Variants in ADAMTS20 observed in about 807,000 individuals in gnomAD.
ADAMTS20 encodes the protein A disintegrin and metalloproteinase with thrombospondin motifs 20.
Under a neutral mutation model 260.1 loss-of-function variants are expected in ADAMTS20, and 225 were observed. That is an observed-to-expected ratio of 0.87 (90% CI 0.78 to 0.97). ADAMTS20 has a LOEUF of 0.97. Among genes scored for constraint, ADAMTS20 ranks in the 50% least tolerant of loss-of-function variants. The pLI is 0.00. For missense variants in ADAMTS20, 2,400 were observed against 2,337.7 expected (o/e 1.03, Z -0.55); for synonymous variants, 802 against 769.5 (o/e 1.04, Z -0.70).
At chr12:43,402,668 AG>A (rs1451511828) in intron 28 of ADAMTS20, among the ~76,000 whole-genome samples, 1 of 152,104 alleles carries the variant, frequency 6.6e-6, no homozygotes, top group African/African-American at 2.4e-5. Flanking sequence ...CCCATTTGGT[AG>A]GAATATTCAA....
At chr12:43,481,386 G>A (rs1942439859) in intron 7 of ADAMTS20, among the ~76,000 whole-genome samples, 1 of 152,130 alleles carries the variant, frequency 6.6e-6, no homozygotes, top group Admixed American at 6.5e-5. Flanking sequence ...TATCTGCTAA[G>A]AACCTACAGC....
At chr12:43,427,532 TA>T (rs60438862) in intron 26 of ADAMTS20, 63 bp from the exon 27 acceptor site, 71,993 of 1,084,816 alleles carry the variant, frequency 0.066, no homozygotes, top group East Asian at 0.13. Flanking sequence ...ATTTACATGG[TA>T]AAAAAAAAAA....
intron 4 of ADAMTS20, 70 bp from the exon 5 acceptor site, chr12:43,493,323 G>A (rs983585136): frequency 2.7e-6 from 3 of 1,108,632 alleles, no homozygotes; most frequent in African/African-American, 3.2e-5. Flanking sequence ...AGTTGAAATA[G>A]TCACAGAGTA....
At chr12:43,380,292 A>G (rs1940321248) in intron 31 of ADAMTS20, among the ~76,000 whole-genome samples, 1 of 152,166 alleles carries the variant, frequency 6.6e-6, no homozygotes, top group Admixed American at 6.5e-5. Context: ...TACTTCTTCA[A>G]TCTGATAAAG....
chr12:43,388,120 C>T (rs1565676219), intron 29 of ADAMTS20, among the ~76,000 whole-genome samples: 2 of 152,048 alleles, frequency 1.3e-5, no homozygotes, highest in Admixed American at 1.3e-4. Flanking sequence ...CAAACAGCCA[C>T]CCAGTTTTGC....
intron 2 of ADAMTS20, among the ~76,000 whole-genome samples, chr12:43,534,876 G>C (rs1277774417): frequency 2.6e-5 from 4 of 152,154 alleles, no homozygotes; most frequent in Non-Finnish European, 5.9e-5. Flanking sequence ...CTGGGTGCAT[G>C]TAGGATGGAC....
chr12:43,523,737 A>G (rs1202027105), intron 3 of ADAMTS20, among the ~76,000 whole-genome samples: 1 of 152,008 alleles, frequency 6.6e-6, no homozygotes, highest in Non-Finnish European at 1.5e-5. Flanking sequence ...ACATGAGACC[A>G]TCTCCCCAGT....
At chr12:43,367,688 G>A (rs951349858) in intron 37 of ADAMTS20, among the ~76,000 whole-genome samples, 2 of 151,926 alleles carry the variant, frequency 1.3e-5, no homozygotes, top group African/African-American at 4.8e-5. Flanking sequence ...GATGTAGTCC[G>A]CACAATAAAA....
intron 21 of ADAMTS20, among the ~76,000 whole-genome samples, chr12:43,432,087 A>G (rs1485292798): frequency 6.6e-6 from 1 of 152,156 alleles, no homozygotes; most frequent in East Asian, 1.9e-4. Flanking sequence ...ATCTGAGCTC[A>G]AGCAATCCAC....
In ADAMTS20 at chr12:43,435,963, A is replaced by C. The variant is rs79805053; in HGVS notation, c.2594-1592T>G. Among the ~76,000 whole-genome samples the C allele has an allele frequency of 6.6e-3, 1,004 of 152,306 alleles. 17 individuals carry two copies. The highest frequency in any genetic ancestry group is 0.023 in the African/African-American group (940 of 41,574). On this transcript the variant is annotated intron_variant, in intron 18 of 38. Transcript: ENST00000389420. ...CATGAACAAATTTCTGTTTTATCAA[A>C]GTTCAACTTTGTGCTTCCAGTTAAC...
At chr12:43,386,758 T>C (rs1940487494) in intron 29 of ADAMTS20, among the ~76,000 whole-genome samples, 1 of 152,206 alleles carries the variant, frequency 6.6e-6, no homozygotes, top group African/African-American at 2.4e-5. Flanking sequence ...CTGATATCCT[T>C]TCTTCTGCTT....
intron 29 of ADAMTS20, among the ~76,000 whole-genome samples, chr12:43,386,958 T>C (rs375298187): frequency 2.6e-5 from 4 of 152,278 alleles, no homozygotes; most frequent in Admixed American, 2.0e-4. Context: ...GAGGAGTTTG[T>C]TATTACCCAC....
rs376924919 is a variant in ADAMTS20 at position 43,390,451 on chromosome 12, C to T, written c.4453-6474G>A. ...TAAGTTCTGCTTTCTTTTTTATTAA[C>T]AACTCCATCTTTGTATCATTTCTCT... On this transcript the variant is annotated intron_variant, in intron 29 of 38. Transcript: ENST00000389420. Among the ~76,000 whole-genome samples, 11 of 152,156 alleles carry T rather than the reference C, an allele frequency of 7.2e-5. No individual in the cohort carries two copies. The South Asian group carries it at 8.3e-4, about 11-fold the overall frequency.
In ADAMTS20 at chr12:43,462,802, T is replaced by C; in HGVS notation, c.1614+93A>G. The C allele has an allele frequency of 4.0e-6, 4 of 994,192 alleles. No homozygotes were observed. The South Asian group carries it at 6.5e-5, about 16-fold the overall frequency. The allele number at this position is 994,192 out of a possible 1,614,324, so 61.6% of individuals were successfully genotyped here. The stretch of plus-strand genomic sequence containing the variant: ...TTAATTCGACTAGCTGAAGAAAAGT[T>C]GACAGCAAATAACAAACAGAGTGCT... On this transcript the variant is annotated intron_variant, in intron 11 of 38. Coordinates refer to ENST00000389420, the MANE Select transcript of ADAMTS20 (RefSeq NM_025003.5).
intron 29 of ADAMTS20, among the ~76,000 whole-genome samples, chr12:43,396,152 A>G (rs1940698220): frequency 6.6e-6 from 1 of 152,116 alleles, no homozygotes; most frequent in Non-Finnish European, 1.5e-5. Flanking sequence ...CCTGTATAGC[A>G]ATGTTTGTTC....
At position 43,437,601 on chromosome 12, in the gene ADAMTS20, A is replaced by G. The variant is rs186724990; in HGVS notation, c.2593+2021T>C. On this transcript the variant is annotated intron_variant, in intron 18 of 38. Coordinates refer to ENST00000389420, the MANE Select transcript of ADAMTS20 (RefSeq NM_025003.5). ...AAAATTCTAAAGAAAAACATTCTCT[A>G]TTTATACCAGCTAAACTATTGATCG... Among the ~76,000 whole-genome samples, 151 of 152,304 alleles carry G rather than the reference A, an allele frequency of 9.9e-4. 2 individuals are homozygous for G. The highest frequency in any genetic ancestry group is 3.5e-3 in the African/African-American group (145 of 41,576).
At chr12:43,501,481 G>GCGCGCGCGCACACACACACACACA (rs373746834) in intron 4 of ADAMTS20, among the ~76,000 whole-genome samples, 13 of 117,860 alleles carry the variant, frequency 1.1e-4, no homozygotes, top group Non-Finnish European at 1.8e-4. Flanking sequence ...GCGCGCGCGC[G>GCGCGCGCGCACACACACACACACA]CACACACACA....
At chr12:43,417,371 T>C (rs955648814) in intron 28 of ADAMTS20, among the ~76,000 whole-genome samples, 1 of 152,256 alleles carries the variant, frequency 6.6e-6, no homozygotes, top group Non-Finnish European at 1.5e-5. Context: ...TACAAGTAGA[T>C]GTATAACATA....
intron 3 of ADAMTS20, among the ~76,000 whole-genome samples, chr12:43,505,610 A>G: frequency 6.6e-6 from 1 of 152,210 alleles, no homozygotes. Context: ...AATGGCTACT[A>G]TTAAACACAC....
Sources: gnomAD v4.1 joint callset for allele counts (sites outside exome capture counted in the v4.1 genomes callset) on GRCh38, gnomAD v4.1.1 for gene constraint, MANE v1.5 for transcripts, NCBI Gene and HGNC (gene_info 2026-07-23, HGNC 2026-07-21) for gene names.